NBEAL1: variants seen among roughly 807,000 people sequenced by gnomAD.
NBEAL1 encodes the protein neurobeachin-like protein 1.
In NBEAL1, 273 loss-of-function variants were observed where a neutral mutation model predicts 351.3. That is an observed-to-expected ratio of 0.78 (90% CI 0.70 to 0.86). The LOEUF (loss-of-function observed/expected upper bound fraction) is 0.86, where lower values mean the gene tolerates loss of function less well. NBEAL1 is among the 40% of genes least tolerant of loss of function. NBEAL1 has a pLI of 0.00. For missense variants in NBEAL1, 2,961 were observed against 3,201.3 expected (o/e 0.92, Z 1.81); for synonymous variants, 1,050 against 1,086.4 (o/e 0.97, Z 0.66).
At chr2:203,102,779 G>T (rs2062353756) in intron 12 of NBEAL1, among the ~76,000 whole-genome samples, 1 of 152,090 alleles carries the variant, frequency 6.6e-6, no homozygotes, top group African/African-American at 2.4e-5. Flanking sequence ...TTTATTTGTT[G>T]TGTCTCTGCC....
chr2:203,044,679 T>C (rs2061198480), intron 3 of NBEAL1, among the ~76,000 whole-genome samples: 1 of 152,226 alleles, frequency 6.6e-6, no homozygotes, highest in Non-Finnish European at 1.5e-5. Context: ...ATTTTTCTAA[T>C]AGAAAACATT....
At chr2:203,125,899 A>G in intron 20 of NBEAL1, 61 bp from the exon 21 acceptor site, 1 of 1,368,158 alleles carries the variant, frequency 7.3e-7, no homozygotes, top group East Asian at 2.6e-5. Flanking sequence ...TAAGATATAG[A>G]AAATGTGATA....
intron 46 of NBEAL1, chr2:203,191,349 G>C: frequency 1.2e-5 from 1 of 84,416 alleles, no homozygotes; most frequent in Non-Finnish European, 2.9e-5. Context: ...TCAAATTATA[G>C]AATATTTAAA....
At chr2:203,058,529 C>T (rs1245324435) in intron 6 of NBEAL1, among the ~76,000 whole-genome samples, 1 of 152,324 alleles carries the variant, frequency 6.6e-6, no homozygotes, top group Admixed American at 6.5e-5. Context: ...AGGTTCAGAC[C>T]TCTGAGGAAG....
At chr2:203,136,286 A>G (rs767203650) in intron 28 of NBEAL1, 34 bp downstream of exon 28, 1 of 1,402,926 alleles carries the variant, frequency 7.1e-7, no homozygotes, top group East Asian at 2.3e-5. Context: ...TGTTGTTTTT[A>G]TTTTCATGTC....
At position 203,190,735 on chromosome 2, in the gene NBEAL1, C is replaced by T. The variant is rs534381677; in HGVS notation, c.6921+346C>T. On this transcript the variant is annotated intron_variant, in intron 46 of 55. Coordinates refer to ENST00000683969, the MANE Select transcript of NBEAL1 (RefSeq NM_001378026.1). ...GAGGAGGCCAAGGTGCAACTTTCTTCGGTCGTCCCGAATCCGGGTTCATCC... is the reference window on the plus strand; with the variant it reads ...GAGGAGGCCAAGGTGCAACTTTCTTTGGTCGTCCCGAATCCGGGTTCATCC... 6.4e-4 allele frequency: 1,024 copies of T among 1,600,616 alleles called. 2 individuals are homozygous for T. In the South Asian group the frequency reaches 9.4e-3, roughly 15 times the overall value.
chr2:203,080,944 A>T (rs1040042209), intron 8 of NBEAL1, among the ~76,000 whole-genome samples: 2 of 152,154 alleles, frequency 1.3e-5, no homozygotes, highest in African/African-American at 2.4e-5. Flanking sequence ...CTTTTCGAAA[A>T]CACAGAGACT....
At chr2:203,172,400 A>G (rs952725108) in intron 40 of NBEAL1, among the ~76,000 whole-genome samples, 2 of 152,072 alleles carry the variant, frequency 1.3e-5, no homozygotes, top group African/African-American at 2.4e-5. Context: ...GCACACCTGT[A>G]ATCCCAGCAA....
In NBEAL1 at chr2:203,223,687, A is replaced by G. The variant is rs1021016121; in HGVS notation, c.*6333A>G. 6.6e-6 allele frequency among the ~76,000 whole-genome samples: 1 copy of G among 152,090 alleles called. No homozygotes were observed. The highest frequency in any genetic ancestry group is 1.5e-5 in the Non-Finnish European group (1 of 67,938). Reference sequence around the variant, plus strand: ...ATATTTCAACTTAAGATGTATTAAAACTAGCAATTCTGTGGTAATCAGTGT... The same window carrying G: ...ATATTTCAACTTAAGATGTATTAAAGCTAGCAATTCTGTGGTAATCAGTGT... On this transcript the variant is annotated 3_prime_UTR_variant, in exon 56 of 56. Transcript: ENST00000683969.
rs766350065 is a variant in NBEAL1 at position 203,136,193 on chromosome 2, A to G, written c.4330A>G (p.Ser1444Gly). Residue 1444 changes from serine (S) to glycine (G), a missense_variant, in exon 28 of 56, where the codon AGC (serine) becomes GGC (glycine). Coordinates refer to ENST00000683969, the MANE Select transcript of NBEAL1 (RefSeq NM_001378026.1). ...KSFSVHSDRESSITNDMGFSD... is the reference protein window; with the variant it reads ...KSFSVHSDREGSITNDMGFSD... ...GTTTTCTGTGCACTCTGACAGAGAA[A>G]GCAGCATCACAAATGATATGGGCTT... The G allele has an allele frequency of 1.9e-6, 3 of 1,611,910 alleles. No individual in the cohort carries two copies. Among genetic ancestry groups the G allele is most frequent in the South Asian group, 2.2e-5 (2 of 90,348 alleles).
In NBEAL1 at chr2:203,172,723, T is replaced by C; in HGVS notation, c.6199-6T>C. 1.2e-6 allele frequency: 2 copies of C among 1,603,416 alleles called. No individual in the cohort carries two copies. Among genetic ancestry groups the C allele is most frequent in the Non-Finnish European group, 1.7e-6 (2 of 1,175,684 alleles). ...ATGTCTAAATTGTAAATTATGGCTC[T>C]TTTAGTTTCCCTGGATTTTACAAGA... On this transcript the variant is annotated splice_polypyrimidine_tract_variant and splice_region_variant and intron_variant, in intron 40 of 55. Coordinates refer to ENST00000683969, the MANE Select transcript of NBEAL1 (RefSeq NM_001378026.1).
intron 46 of NBEAL1, chr2:203,190,809 C>G (rs2065051473): frequency 6.2e-7 from 1 of 1,611,066 alleles, no homozygotes; most frequent in Non-Finnish European, 8.5e-7. Context: ...CCAACGAGAT[C>G]AAAGTCGTAT....
rs67437997 is a variant in NBEAL1 at position 203,110,674 on chromosome 2, A to AAAATAAATAAATAAAT, written c.2082+418_2082+433dup. 5.3e-3 allele frequency among the ~76,000 whole-genome samples: 690 copies of AAAATAAATAAATAAAT among 130,880 alleles called. 7 individuals carry two copies. The highest frequency in any genetic ancestry group is 0.011 in the East Asian group (52 of 4,546). 85.9% of individuals were successfully genotyped at this position (130,880 alleles called of 152,430 possible). A position where few individuals can be genotyped will look rare whatever the true frequency, so the allele number is the denominator to read the frequency against. On this transcript the variant is annotated intron_variant, in intron 15 of 55. Coordinates refer to ENST00000683969, the MANE Select transcript of NBEAL1 (RefSeq NM_001378026.1). ...GGGCAACAGAGTGAGATCCTGTCTCAAAATAAATAAATAAATAAATAAATA... is the reference window on the plus strand; with the variant it reads ...GGGCAACAGAGTGAGATCCTGTCTCAAAATAAATAAATAAATAAATAAATAAATAAATAAATAAATA...
chr2:203,093,771 T>C (rs1271781177), intron 10 of NBEAL1, among the ~76,000 whole-genome samples: 1 of 151,966 alleles, frequency 6.6e-6, no homozygotes, highest in Non-Finnish European at 1.5e-5. Flanking sequence ...TCGTTTGAAC[T>C]TAGAGGGTGA....
At chr2:203,120,780 C>T (rs1324379599) in intron 18 of NBEAL1, among the ~76,000 whole-genome samples, 1 of 152,004 alleles carries the variant, frequency 6.6e-6, no homozygotes, top group African/African-American at 2.4e-5. Context: ...GAGTGTCATA[C>T]CATTAGGAGA....
Position 203,166,165 on chromosome 2 carries a change from C to A in NBEAL1, c.5731C>A (p.Gln1911Lys). 1 of 1,578,332 alleles carries A rather than the reference C, an allele frequency of 6.3e-7. No homozygotes were observed. The highest frequency in any genetic ancestry group is 8.6e-7 in the Non-Finnish European group (1 of 1,167,942). Residue 1911 changes from glutamine (Q) to lysine (K), a missense_variant, in exon 37 of 56, where the codon CAG becomes AAG. By Grantham distance (53) the Gln-to-Lys change is moderately conservative. Transcript: ENST00000683969. ...ARVNVDEKEEQDQKEKLVLME... is the reference protein window; with the variant it reads ...ARVNVDEKEEKDQKEKLVLME... ...TTTTTACAGTGATGAGAAAGAAGAA[C>A]AGGATCAAAAAGAAAAATTGGTATT...
chr2:203,051,421 G>A (rs2061321263), intron 4 of NBEAL1, among the ~76,000 whole-genome samples: 1 of 151,824 alleles, frequency 6.6e-6, no homozygotes, highest in African/African-American at 2.4e-5. Context: ...GCGGGTGCCT[G>A]AAATCCCAGC....
chr2:203,087,096 T>G (rs1218999623), intron 10 of NBEAL1, among the ~76,000 whole-genome samples: 1 of 144,268 alleles, frequency 6.9e-6, no homozygotes, highest in Non-Finnish European at 1.5e-5. Context: ...CACTCTTTTT[T>G]TTTTTTTTTT....
chr2:203,209,431 T>C, intron 53 of NBEAL1, 109 bp downstream of exon 53: 4 of 848,080 alleles, frequency 4.7e-6, no homozygotes, highest in Non-Finnish European at 7.2e-6. Context: ...ATTTTAAAGA[T>C]GATGTTTTTC....
Sources: gnomAD v4.1 joint callset for allele counts (sites outside exome capture counted in the v4.1 genomes callset) on GRCh38, gnomAD v4.1.1 for gene constraint, MANE v1.5 for transcripts, NCBI Gene and HGNC (gene_info 2026-07-23, HGNC 2026-07-21) for gene names.